The following F13A1 variants were observed in gnomAD, a reference collection of about 807,000 sequenced individuals.
The protein encoded by F13A1 is FSF, A subunit.
Under a neutral mutation model 80.1 loss-of-function variants are expected in F13A1, and 47 were observed. The observed-to-expected ratio is 0.59, with a 90% confidence interval of 0.46 to 0.75. The LOEUF (loss-of-function observed/expected upper bound fraction) is 0.75. Ranked by LOEUF, F13A1 falls within the 30% of genes least tolerant of loss-of-function variation. The probability of loss-of-function intolerance (pLI) is 0.00; values close to 1 mark genes in which losing one functional copy is unlikely to be tolerated. For missense variants in F13A1, 817 were observed against 930.4 expected, an observed-to-expected ratio of 0.88 and a Z score of 1.59; for synonymous variants, 349 against 344.9, an observed-to-expected ratio of 1.01 and a Z score of -0.13.
At chr6:6,170,784 G>A (rs554485836) in intron 12 of F13A1, among the ~76,000 whole-genome samples, 1 of 152,180 alleles carries the variant, frequency 6.6e-6, no homozygotes, top group Admixed American at 6.5e-5. Flanking sequence ...TTGCAGCAGA[G>A]GCATCTAAGA....
chr6:6,231,595 C>T (rs1290070685), intron 6 of F13A1, among the ~76,000 whole-genome samples: 3 of 152,180 alleles, frequency 2.0e-5, no homozygotes, highest in Non-Finnish European at 4.4e-5. Flanking sequence ...AAATTCATTG[C>T]AGAAAGATCT....
chr6:6,178,042 A>AGG (rs1429229868), intron 11 of F13A1, among the ~76,000 whole-genome samples: 3 of 7,338 alleles, frequency 4.1e-4, no homozygotes, highest in East Asian at 5.1e-3. Context: ...GGCCACAGGG[A>AGG]GAGGGGGGGG....
intron 8 of F13A1, among the ~76,000 whole-genome samples, chr6:6,211,849 G>A (rs1430793828): frequency 6.6e-6 from 1 of 152,240 alleles, no homozygotes; most frequent in Non-Finnish European, 1.5e-5. Flanking sequence ...AGCAGGGTGA[G>A]GCATTGCCTC....
In F13A1 at chr6:6,244,333, T is replaced by G. The variant is rs184426196; in HGVS notation, c.798+3979A>C. On this transcript the variant is annotated intron_variant, in intron 6 of 14. Transcript: ENST00000264870. ...AGGGAGAAGTATAACTGTGGGCAAG[T>G]TTCTTCATTTTTTCTAATTGCTTCT... Among the ~76,000 whole-genome samples, 13 of 152,312 alleles carry G rather than the reference T, an allele frequency of 8.5e-5. No homozygotes were observed. In the East Asian group the frequency reaches 2.1e-3, roughly 25 times the overall value.
chr6:6,309,068 C>T (rs1023585378), intron 2 of F13A1, among the ~76,000 whole-genome samples: 1 of 152,134 alleles, frequency 6.6e-6, no homozygotes, highest in African/African-American at 2.4e-5. Flanking sequence ...CTCACTGTCC[C>T]ATGCTCTTAA....
intron 3 of F13A1, among the ~76,000 whole-genome samples, chr6:6,283,914 G>A (rs1262101111): frequency 6.6e-6 from 1 of 152,190 alleles, no homozygotes; most frequent in Admixed American, 6.5e-5. Flanking sequence ...ACAGCAGTGA[G>A]GTGTTCCACC....
intron 3 of F13A1, among the ~76,000 whole-genome samples, chr6:6,300,913 G>A (rs556369796): frequency 2.0e-5 from 3 of 151,874 alleles, no homozygotes; most frequent in Non-Finnish European, 4.4e-5. Flanking sequence ...TAAAACGTTA[G>A]CTAAAATGGA....
chr6:6,262,605 C>T (rs998868812), intron 4 of F13A1, among the ~76,000 whole-genome samples: 4 of 152,098 alleles, frequency 2.6e-5, no homozygotes, highest in African/African-American at 9.7e-5. Context: ...AATAAGTTCA[C>T]CTTCTACCCT....
chr6:6,173,718 C>G (rs760350120), intron 12 of F13A1, among the ~76,000 whole-genome samples: 1 of 152,078 alleles, frequency 6.6e-6, no homozygotes, highest in African/African-American at 2.4e-5. Context: ...CCTATGTCAG[C>G]GCGTGTATCT....
At position 6,149,684 on chromosome 6, in the gene F13A1, T is replaced by C. The variant is rs549724832; in HGVS notation, c.2045+2129A>G. 4.6e-5 allele frequency among the ~76,000 whole-genome samples: 7 copies of C among 152,288 alleles called. No homozygotes were observed. In the South Asian group the frequency reaches 1.5e-3, roughly 32 times the overall value. ...CCTCAGACTTCCCAGACTCCAGAAGTGTGAGATATAAATGTTTGTTGTATA... is the reference window on the plus strand; with the variant it reads ...CCTCAGACTTCCCAGACTCCAGAAGCGTGAGATATAAATGTTTGTTGTATA... On this transcript the variant is annotated intron_variant, in intron 14 of 14. Transcript: ENST00000264870.
intron 3 of F13A1, among the ~76,000 whole-genome samples, chr6:6,300,660 T>G (rs1758414408): frequency 6.6e-6 from 1 of 152,174 alleles, no homozygotes; most frequent in African/African-American, 2.4e-5. Flanking sequence ...CCTAGTGAGA[T>G]GAACCCCATA....
chr6:6,305,066 T>A (rs142414129), intron 3 of F13A1: 544 of 472,976 alleles, frequency 1.2e-3, no homozygotes, highest in African/African-American at 9.7e-3. Context: ...AATCATAGGA[T>A]GCCAAAACCA....
At chr6:6,318,024 G>C (rs184269928) in intron 2 of F13A1, among the ~76,000 whole-genome samples, 1 of 152,298 alleles carries the variant, frequency 6.6e-6, no homozygotes, top group African/African-American at 2.4e-5. Flanking sequence ...AGGCTGCTCT[G>C]GAGAGAAATA....
At chr6:6,208,072 G>A (rs894957375) in intron 8 of F13A1, among the ~76,000 whole-genome samples, 1 of 152,146 alleles carries the variant, frequency 6.6e-6, no homozygotes, top group Non-Finnish European at 1.5e-5. Context: ...TATTAAGAAA[G>A]CTAAGACATT....
At chr6:6,281,084 G>A (rs1758054141) in intron 3 of F13A1, among the ~76,000 whole-genome samples, 2 of 152,138 alleles carry the variant, frequency 1.3e-5, no homozygotes, top group African/African-American at 2.4e-5. Flanking sequence ...TTGGCAACTC[G>A]TTCTAAGGGA....
intron 3 of F13A1, among the ~76,000 whole-genome samples, chr6:6,293,091 G>A (rs1468165328): frequency 6.6e-6 from 1 of 152,150 alleles, no homozygotes; most frequent in Non-Finnish European, 1.5e-5. Flanking sequence ...GGCCATCATA[G>A]AATTGAGGGA....
chr6:6,318,260 TA>T (rs1758714358), intron 2 of F13A1, among the ~76,000 whole-genome samples: 1 of 152,142 alleles, frequency 6.6e-6, no homozygotes, highest in Non-Finnish European at 1.5e-5. Context: ...TCTGGTTTTG[TA>T]GAGGAAATAG....
At chr6:6,305,092 A>G (rs965662602) in intron 3 of F13A1, 2 of 524,972 alleles carry the variant, frequency 3.8e-6, no homozygotes, top group Non-Finnish European at 6.9e-6. Context: ...TTGAGGAAGA[A>G]TAATTTAGTT....
chr6:6,223,144 T>A (rs968502194), intron 7 of F13A1, among the ~76,000 whole-genome samples: 3 of 152,256 alleles, frequency 2.0e-5, no homozygotes, highest in African/African-American at 7.2e-5. Context: ...AGGCTTGACT[T>A]TAGGGCACCT....
Sources: gnomAD v4.1 joint callset for allele counts (sites outside exome capture counted in the v4.1 genomes callset) on GRCh38, gnomAD v4.1.1 for gene constraint, MANE v1.5 for transcripts, NCBI Gene and HGNC (gene_info 2026-07-23, HGNC 2026-07-21) for gene names.